Variants in BAZ2B observed in about 807,000 individuals in gnomAD.
The protein encoded by BAZ2B is bromodomain adjacent to zinc finger domain protein 2B.
A neutral mutation model predicts 246.0 loss-of-function variants in BAZ2B; 91 were observed. That is an observed-to-expected ratio of 0.37 (90% CI 0.31 to 0.44). BAZ2B has a LOEUF of 0.44. BAZ2B is among the 20% of genes least tolerant of loss of function. The probability of loss-of-function intolerance (pLI) is 1.00; values close to 1 mark genes in which losing one functional copy is unlikely to be tolerated. For synonymous variants in BAZ2B, 855 were observed against 860.0 expected, an observed-to-expected ratio of 0.99 and a Z score of 0.10; for missense variants, 2,332 against 2,533.7, an observed-to-expected ratio of 0.92 and a Z score of 1.71.
intron 34 of BAZ2B, among the ~76,000 whole-genome samples, chr2:159,328,952 A>AC (rs1371196961): frequency 1.1e-4 from 16 of 152,184 alleles, no homozygotes; most frequent in Non-Finnish European, 2.1e-4. Context: ...ACATGGCAAA[A>AC]CCCCATCTCT....
chr2:159,700,655 C>G, the BAZ2B span, among the ~76,000 whole-genome samples: 1 of 152,204 alleles, frequency 6.6e-6, no homozygotes, highest in African/African-American at 2.4e-5. Flanking sequence ...CCATATTGGC[C>G]AGGCTGGTCT....
chr2:159,564,705 T>C (rs887425359), intron 1 of BAZ2B, among the ~76,000 whole-genome samples: 1 of 152,084 alleles, frequency 6.6e-6, no homozygotes, highest in Non-Finnish European at 1.5e-5. Flanking sequence ...AGGAATAGGA[T>C]TGCTGGTGGT....
At chr2:159,426,026 G>T (rs1429485096) in intron 13 of BAZ2B, among the ~76,000 whole-genome samples, 1 of 151,984 alleles carries the variant, frequency 6.6e-6, no homozygotes, top group African/African-American at 2.4e-5. Flanking sequence ...TACTAATTTT[G>T]GTTTTAGCTA....
At position 159,324,887 on chromosome 2, in the gene BAZ2B, G is replaced by A. The variant is rs188090321; in HGVS notation, c.6277C>T (p.Leu2093Phe). Reference sequence around the variant, plus strand: ...ATAACTTTCTTATAACCAGGAACAAGTTTCAAGTTTACAGGAAGTAGAAAA... The same window carrying A: ...ATAACTTTCTTATAACCAGGAACAAATTTCAAGTTTACAGGAAGTAGAAAA... ...WPFLLPVNLK[L>F]VPGYKKVIKK... Residue 2093 changes from leucine (L) to phenylalanine (F), a missense_variant, in exon 36 of 37, where the codon CTT becomes TTT. Physicochemically the swap from Leu to Phe is conservative, Grantham distance 22 (BLOSUM62 0). Coordinates refer to ENST00000392783, the MANE Select transcript of BAZ2B (RefSeq NM_013450.4). 357 of 1,554,912 alleles carry A rather than the reference G, an allele frequency of 2.3e-4. 1 individual carries two copies. The East Asian group carries it at 8.1e-3, about 35-fold the overall frequency.
At chr2:159,460,690 T>C (rs1451055231) in intron 3 of BAZ2B, 1 of 152,060 alleles carries the variant, frequency 6.6e-6, no homozygotes, top group African/African-American at 2.4e-5. Flanking sequence ...AAAAAGAACA[T>C]CATCAAAATT....
intron 3 of BAZ2B, among the ~76,000 whole-genome samples, chr2:159,466,746 G>A (rs1384587660): frequency 6.6e-6 from 1 of 152,166 alleles, no homozygotes; most frequent in African/African-American, 2.4e-5. Flanking sequence ...ATGGTGTTAA[G>A]TCCCAGCCAC....
intron 1 of BAZ2B, among the ~76,000 whole-genome samples, chr2:159,579,834 T>C (rs558853915): frequency 6.6e-6 from 1 of 152,246 alleles, no homozygotes; most frequent in African/African-American, 2.4e-5. Context: ...ATTATCTCAA[T>C]AGATGCAGAA....
intron 27 of BAZ2B, among the ~76,000 whole-genome samples, chr2:159,363,133 C>T (rs575200685): frequency 6.6e-6 from 1 of 152,292 alleles, no homozygotes; most frequent in Non-Finnish European, 1.5e-5. Context: ...TAAAAGGAAA[C>T]ACATGACCTG....
chr2:159,621,906 G>T, the BAZ2B span, among the ~76,000 whole-genome samples: 10 of 152,124 alleles, frequency 6.6e-5, no homozygotes, highest in Non-Finnish European at 1.2e-4. Flanking sequence ...AAGAGTTCGA[G>T]ACCAGCCTGA....
chr2:159,426,457 C>T (rs146084538), intron 13 of BAZ2B, among the ~76,000 whole-genome samples: 49 of 152,088 alleles, frequency 3.2e-4, no homozygotes, highest in Non-Finnish European at 6.2e-4. Context: ...AAACTGATAT[C>T]GTGTATACAG....
chr2:159,540,523 A>G (rs1202221222), intron 2 of BAZ2B, among the ~76,000 whole-genome samples: 2 of 152,228 alleles, frequency 1.3e-5, no homozygotes, highest in Non-Finnish European at 2.9e-5. Context: ...CTGTCATTCA[A>G]TCAACTAGCA....
At chr2:159,646,287 G>C in the BAZ2B span, among the ~76,000 whole-genome samples, 1 of 152,128 alleles carries the variant, frequency 6.6e-6, no homozygotes, top group African/African-American at 2.4e-5. Flanking sequence ...TGTTCCGCCT[G>C]GCTCACCGGC....
rs534695741 is a variant in BAZ2B, at chr2:159,401,516, T to C, written c.2833-852A>G. ...ACAATAATTTCCATTCTAAAATTTATTTCATATGTTGAATAGCATAATATA... is the reference window on the plus strand; with the variant it reads ...ACAATAATTTCCATTCTAAAATTTACTTCATATGTTGAATAGCATAATATA... On this transcript the variant is annotated intron_variant, in intron 16 of 36. Transcript: ENST00000392783. Among the ~76,000 whole-genome samples, 5 of 152,338 alleles carry C rather than the reference T, an allele frequency of 3.3e-5. No homozygotes were observed. In the East Asian group the frequency reaches 9.6e-4, roughly 29 times the overall value.
chr2:159,707,939 C>T, the BAZ2B span, among the ~76,000 whole-genome samples: 12 of 151,748 alleles, frequency 7.9e-5, no homozygotes, highest in East Asian at 7.7e-4. Context: ...TGCAGTGAGC[C>T]GAGACTGAGC....
chr2:159,437,052 G>A (rs2072492111), intron 8 of BAZ2B, among the ~76,000 whole-genome samples: 2 of 152,126 alleles, frequency 1.3e-5, no homozygotes, highest in Admixed American at 1.3e-4. Flanking sequence ...AATATTAGTA[G>A]CACTCATAGA....
chr2:159,633,388 G>C, the BAZ2B span, among the ~76,000 whole-genome samples: 1 of 152,016 alleles, frequency 6.6e-6, no homozygotes, highest in Non-Finnish European at 1.5e-5. Context: ...ACTTTTTCTG[G>C]GTAGAGACAG....
the BAZ2B span, among the ~76,000 whole-genome samples, chr2:159,655,737 T>C: frequency 6.6e-6 from 1 of 152,204 alleles, no homozygotes; most frequent in Non-Finnish European, 1.5e-5. Flanking sequence ...TGCTGCTAAG[T>C]CCATCAAGTA....
the BAZ2B span, among the ~76,000 whole-genome samples, chr2:159,673,013 TG>T: frequency 2.0e-5 from 3 of 152,126 alleles, no homozygotes; most frequent in Admixed American, 1.3e-4. Flanking sequence ...TTGACAAATC[TG>T]TTACATAAAA....
chr2:159,371,695 T>C (rs1307922294), intron 27 of BAZ2B, among the ~76,000 whole-genome samples: 3 of 152,218 alleles, frequency 2.0e-5, no homozygotes, highest in Admixed American at 6.5e-5. Context: ...TCTATTTTAG[T>C]GTAATTCCCC....
Sources: allele counts gnomAD v4.1 joint callset (sites outside exome capture counted in the v4.1 genomes callset), GRCh38; gene constraint gnomAD v4.1.1; transcripts MANE v1.5; gene names NCBI Gene and HGNC (gene_info 2026-07-23, HGNC 2026-07-21).